ECT2: variants seen among roughly 807,000 people sequenced by gnomAD.
ECT2 encodes the protein protein ECT2.
In ECT2, 61 loss-of-function variants were observed where a neutral mutation model predicts 116.9. That is an observed-to-expected ratio of 0.52 (90% confidence interval 0.42 to 0.65). The LOEUF is 0.65. Among genes scored for constraint, ECT2 ranks in the 30% least tolerant of loss-of-function variants. The probability of loss-of-function intolerance (pLI) is 0.00; values close to 1 mark genes in which losing one functional copy is unlikely to be tolerated. For synonymous variants in ECT2, 358 were observed against 346.4 expected, an observed-to-expected ratio of 1.03 and a Z score of -0.37; for missense variants, 937 against 1,078.7, an observed-to-expected ratio of 0.87 and a Z score of 1.84.
chr3:172,828,841 T>TGAGGGCCTGAGAGAC, the ECT2 span: 1 of 917,718 alleles, frequency 1.1e-6, no homozygotes, highest in South Asian at 1.5e-5. Flanking sequence ...GCCTGAGAGA[T>TGAGGGCCTGAGAGAC]GAGTGCCTGA....
chr3:172,766,490 A>G (rs1359868086), intron 12 of ECT2, among the ~76,000 whole-genome samples: 1 of 152,244 alleles, frequency 6.6e-6, no homozygotes, highest in Non-Finnish European at 1.5e-5. Context: ...CAGTCAGACC[A>G]TGATGTAATC....
chr3:172,762,503 A>C lies in ECT2; in HGVS notation c.846A>C (p.Ser282=). The change falls in exon 9 of 25, where the codon TCA becomes TCC. Residue 282 remains serine, a synonymous_variant. Coordinates refer to ENST00000392692, the MANE Select transcript of ECT2 (RefSeq NM_001258315.2). ...GTATTTTAAGTTTCCTGGGATTTTC[A>C]GATGAAGAGAAAACCAATATGGAAG... ...QDCILSFLGF[S]DEEKTNMEEM... is the part of the protein sequence containing the mutation. 6.3e-7 allele frequency: 1 copy of C among 1,598,028 alleles called. No homozygotes were observed. Among genetic ancestry groups the C allele is most frequent in the Non-Finnish European group, 8.5e-7 (1 of 1,176,356 alleles).
intron 14 of ECT2, among the ~76,000 whole-genome samples, chr3:172,780,484 A>G (rs1722503751): frequency 6.6e-6 from 1 of 152,142 alleles, no homozygotes; most frequent in Non-Finnish European, 1.5e-5. Flanking sequence ...GATGAGCTAT[A>G]TGGTAGTTTT....
intron 5 of ECT2, among the ~76,000 whole-genome samples, chr3:172,758,532 C>A (rs895864906): frequency 1.3e-5 from 2 of 151,300 alleles, no homozygotes; most frequent in Non-Finnish European, 2.9e-5. Context: ...CTGAATATCA[C>A]CATTTATTAG....
At chr3:172,797,018 C>CTGTGTGTGTGTG (rs57188529) in intron 18 of ECT2, among the ~76,000 whole-genome samples, 16,191 of 138,890 alleles carry the variant, frequency 0.12, 1,091 homozygotes, top group East Asian at 0.17. Flanking sequence ...TCAGGTTCAA[C>CTGTGTGTGTGTG]TGTGTGTGTG....
At chr3:172,753,653 G>T (rs1287174385) in intron 1 of ECT2, among the ~76,000 whole-genome samples, 1 of 152,198 alleles carries the variant, frequency 6.6e-6, no homozygotes, top group African/African-American at 2.4e-5. Context: ...TGGATTGGGG[G>T]TTGGAAGACA....
intron 18 of ECT2, among the ~76,000 whole-genome samples, chr3:172,791,808 A>G (rs1228637199): frequency 6.6e-6 from 1 of 152,144 alleles, no homozygotes. Context: ...ATTTTTCTTC[A>G]AGAACTTTTC....
In ECT2 at chr3:172,802,862, C is replaced by T; in HGVS notation, c.1988C>T (p.Ala663Val). ...DVVYEVDGCP[A>V]NLLSSHRSLV... Reference sequence around the variant, plus strand: ...TTGTTATATTTTCAACCTATACAGGCTAATCTTTTATCTTCTCACCGAAGC... The same window carrying T: ...TTGTTATATTTTCAACCTATACAGGTTAATCTTTTATCTTCTCACCGAAGC... The change falls in exon 20 of 25, where the codon GCT becomes GTT. Residue 663 changes from alanine (A) to valine (V), a missense_variant and splice_region_variant. Ala to Val is a moderately conservative substitution (Grantham distance 64, BLOSUM62 0). Transcript: ENST00000392692. 1 of 1,611,732 alleles carries T rather than the reference C, an allele frequency of 6.2e-7. No individual in the cohort carries two copies. The highest frequency in any genetic ancestry group is 1.7e-5 in the Admixed American group (1 of 59,590).
intron 20 of ECT2, 88 bp from the exon 21 acceptor site, chr3:172,805,639 AGATT>A (rs1727541408): frequency 1.6e-6 from 2 of 1,226,656 alleles, no homozygotes; most frequent in Non-Finnish European, 2.3e-6. Context: ...AGTTATATAT[AGATT>A]TATGTGATTA....
At chr3:172,773,658 T>G (rs1448243117) in intron 13 of ECT2, among the ~76,000 whole-genome samples, 1 of 152,234 alleles carries the variant, frequency 6.6e-6, no homozygotes, top group East Asian at 1.9e-4. Flanking sequence ...CAGAACTGTG[T>G]GAAGTTTTAT....
chr3:172,783,718 T>G, intron 15 of ECT2, 81 bp from the exon 16 acceptor site: 1 of 876,392 alleles, frequency 1.1e-6, no homozygotes, highest in Non-Finnish European at 1.8e-6. Flanking sequence ...TTGTGACTAC[T>G]AATTATTTGA....
intron 22 of ECT2, among the ~76,000 whole-genome samples, chr3:172,813,741 T>G (rs1212739053): frequency 1.3e-5 from 2 of 152,048 alleles, no homozygotes; most frequent in African/African-American, 4.8e-5. Flanking sequence ...AATTCCCCAT[T>G]ACTGCACTCT....
rs1553762248 is a variant in ECT2 at position 172,783,861 on chromosome 3, A to G, written c.1680A>G (p.Thr560=). The change falls in exon 16 of 25, where the codon ACA becomes ACG. Residue 560 remains threonine (T), a synonymous_variant. Coordinates refer to ENST00000392692, the MANE Select transcript of ECT2 (RefSeq NM_001258315.2). ...ACTTCTTTGAAATGAGCAAGGAAAC[A>G]ATTATTAAATGTGAAAAACAGAAAC... ...FVNFFEMSKE[T]IIKCEKQKPR... 6.2e-7 allele frequency: 1 copy of G among 1,607,392 alleles called. No individual in the cohort carries two copies. Among genetic ancestry groups the G allele is most frequent in the Admixed American group, 1.7e-5 (1 of 59,040 alleles).
At chr3:172,823,028 A>G (rs1730750690), downstream of ECT2, among the ~76,000 whole-genome samples, 1 of 151,858 alleles carries the variant, frequency 6.6e-6, no homozygotes, top group Middle Eastern at 3.4e-3. Flanking sequence ...TTAAGTATTG[A>G]GCAAAGTCAA....
rs764568134 is a variant in ECT2 at position 172,769,162 on chromosome 3, GA to G, written c.1428+24del. 2.5e-6 allele frequency: 4 copies of G among 1,586,958 alleles called. No individual in the cohort carries two copies. The African/African-American group carries it at 4.1e-5, about 16-fold the overall frequency. On this transcript the variant is annotated intron_variant, in intron 13 of 24. Coordinates refer to ENST00000392692, the MANE Select transcript of ECT2 (RefSeq NM_001258315.2). ...TATTCAGGTAAGTATGAGTTTGATTGAAAAATGATTTCTGTTCCAGTGTTCC... is the reference window on the plus strand; with the variant it reads ...TATTCAGGTAAGTATGAGTTTGATTGAAAATGATTTCTGTTCCAGTGTTCC...
At chr3:172,785,528 AAAG>A (rs1289739170) in intron 17 of ECT2, among the ~76,000 whole-genome samples, 6 of 151,908 alleles carry the variant, frequency 3.9e-5, no homozygotes, top group Non-Finnish European at 7.4e-5. Context: ...AAAAAAAAAA[AAAG>A]AAGGATAACT....
chr3:172,767,257 A>T (rs762027178), intron 12 of ECT2, among the ~76,000 whole-genome samples: 3 of 152,192 alleles, frequency 2.0e-5, no homozygotes, highest in Non-Finnish European at 4.4e-5. Flanking sequence ...CCTGACCAAC[A>T]TGGTGAAACC....
intron 13 of ECT2, among the ~76,000 whole-genome samples, chr3:172,773,459 CAG>C (rs1292763977): frequency 6.6e-6 from 1 of 152,038 alleles, no homozygotes; most frequent in Non-Finnish European, 1.5e-5. Flanking sequence ...TAGATACAAA[CAG>C]ATCTTCTAGC....
At chr3:172,801,229 C>G (rs1048269243) in intron 18 of ECT2, among the ~76,000 whole-genome samples, 8 of 151,736 alleles carry the variant, frequency 5.3e-5, no homozygotes, top group Non-Finnish European at 1.2e-4. Flanking sequence ...TTTTTGTATT[C>G]TTAAAAATGT....
Sources: allele counts gnomAD v4.1 joint callset (sites outside exome capture counted in the v4.1 genomes callset), GRCh38; gene constraint gnomAD v4.1.1; transcripts MANE v1.5; gene names NCBI Gene and HGNC (gene_info 2026-07-23, HGNC 2026-07-21).